Variants in BCAS3 observed in about 807,000 individuals in gnomAD.
BCAS3 encodes BCAS4/BCAS3 fusion.
In BCAS3, 53 loss-of-function variants were observed where a neutral mutation model predicts 116.1. The observed-to-expected ratio is 0.46, with a 90% CI of 0.37 to 0.57. The LOEUF (loss-of-function observed/expected upper bound fraction) is 0.57. BCAS3 is among the 20% of genes least tolerant of loss of function. BCAS3 has a pLI of 0.00. For missense variants in BCAS3, 917 were observed against 1,165.4 expected (o/e 0.79, Z 3.10); for synonymous variants, 391 against 408.2 (o/e 0.96, Z 0.51).
intron 14 of BCAS3, among the ~76,000 whole-genome samples, chr17:60,978,411 G>C (rs1452803271): frequency 2.1e-4 from 32 of 151,100 alleles, no homozygotes; most frequent in South Asian, 1.0e-3. Flanking sequence ...AGCCCTTTGT[G>C]AGATGAGTAG....
chr17:60,849,596 T>C (rs986262296), intron 7 of BCAS3, among the ~76,000 whole-genome samples: 6 of 152,198 alleles, frequency 3.9e-5, no homozygotes, highest in Non-Finnish European at 8.8e-5. Context: ...AAAGCTATTA[T>C]TATAACTTGT....
chr17:60,922,732 G>T (rs2059171800), intron 12 of BCAS3, among the ~76,000 whole-genome samples: 1 of 152,072 alleles, frequency 6.6e-6, no homozygotes, highest in African/African-American at 2.4e-5. Context: ...AACTTTAAAA[G>T]GATTAAAGTC....
intron 7 of BCAS3, among the ~76,000 whole-genome samples, chr17:60,831,493 A>T (rs2050926329): frequency 6.6e-6 from 1 of 152,166 alleles, no homozygotes; most frequent in East Asian, 1.9e-4. Flanking sequence ...TGTCTTCCTT[A>T]TGTTAACTGA....
chr17:61,030,315 C>A (rs1217339235), intron 16 of BCAS3, among the ~76,000 whole-genome samples: 1 of 152,048 alleles, frequency 6.6e-6, no homozygotes. Context: ...TACTTCACAT[C>A]TGTCCTATTC....
intron 21 of BCAS3, among the ~76,000 whole-genome samples, chr17:61,081,860 A>G (rs2072643413): frequency 6.6e-6 from 1 of 152,192 alleles, no homozygotes; most frequent in Non-Finnish European, 1.5e-5. Context: ...ATGGCCGACC[A>G]TTGGCTTTAC....
intron 22 of BCAS3, among the ~76,000 whole-genome samples, chr17:61,176,138 C>CAAAAAAAAAAA (rs534042215): frequency 4.6e-4 from 23 of 50,010 alleles, no homozygotes; most frequent in African/African-American, 1.1e-3. Context: ...GACCCTATCT[C>CAAAAAAAAAAA]AAAAAAAAAA....
intron 19 of BCAS3, chr17:61,070,383 A>ATATATATATATATC (rs1455437195): frequency 2.0e-5 from 3 of 151,996 alleles, no homozygotes; most frequent in Non-Finnish European, 3.7e-5. Context: ...ATATATATAT[A>ATATATATATATATC]TATATATATA....
rs1024433129 is a variant in BCAS3 at position 60,995,176 on chromosome 17, G to A, written c.1486+4941G>A. 2.0e-5 allele frequency among the ~76,000 whole-genome samples: 3 copies of A among 151,600 alleles called. No homozygotes were observed. The highest frequency in any genetic ancestry group is 3.9e-4 in the East Asian group (2 of 5,174). On this transcript the variant is annotated intron_variant, in intron 15 of 23. Coordinates refer to ENST00000407086, the MANE Select transcript of BCAS3 (RefSeq NM_017679.5). The surrounding 1 kb of genome is among the most constrained non-coding windows in gnomAD (Gnocchi z 4.7). ...TCTATTCTTTTCTTTTCTTTTAGAC[G>A]GAGTCTTGCTCTGTCTCCCAGGCTA...
intron 5 of BCAS3, among the ~76,000 whole-genome samples, chr17:60,715,638 GC>G (rs1568085352): frequency 1.3e-5 from 2 of 151,528 alleles, no homozygotes; most frequent in African/African-American, 4.9e-5. Flanking sequence ...ACAGGTGCAC[GC>G]CCCATGTCCG....
At chr17:60,939,775 T>A (rs1035453071) in intron 13 of BCAS3, among the ~76,000 whole-genome samples, 2 of 152,212 alleles carry the variant, frequency 1.3e-5, no homozygotes, top group African/African-American at 4.8e-5. Context: ...TTCATCATAC[T>A]GTACATCTAA....
At chr17:60,760,327 G>GTGT (rs2043401355) in intron 6 of BCAS3, among the ~76,000 whole-genome samples, 1 of 152,082 alleles carries the variant, frequency 6.6e-6, no homozygotes, top group South Asian at 2.1e-4. Flanking sequence ...GATAGGGTAT[G>GTGT]TGTTATTCTT....
At chr17:60,919,746 T>C (rs1039619435) in intron 12 of BCAS3, among the ~76,000 whole-genome samples, 8 of 151,200 alleles carry the variant, frequency 5.3e-5, no homozygotes, top group African/African-American at 1.5e-4. Context: ...CTCAAAGGAG[T>C]AGGTAGCAGA....
rs2066430954 is a variant in BCAS3 at position 61,028,717 on chromosome 17, A to G, written c.1638-5949A>G. ...TTTGAGGTTGAAACAAGATTAAAAG[A>G]GCCAGATTAAAGAAAGGGATATATT... On this transcript the variant is annotated intron_variant, in intron 16 of 23. Coordinates refer to ENST00000407086, the MANE Select transcript of BCAS3 (RefSeq NM_017679.5). This position sits in a 1 kb window ranked among gnomAD's most constrained non-coding sequence, Gnocchi z 4.3. 6.6e-6 allele frequency among the ~76,000 whole-genome samples: 1 copy of G among 151,952 alleles called. No homozygotes were observed. The highest frequency in any genetic ancestry group is 1.5e-5 in the Non-Finnish European group (1 of 67,824).
rs2061360421 is a variant in BCAS3, at chr17:60,960,451, A to G, written c.1221+13099A>G. Among the ~76,000 whole-genome samples the G allele has an allele frequency of 6.6e-6, 1 of 152,192 alleles. No individual in the cohort carries two copies. The highest frequency in any genetic ancestry group is 2.4e-5 in the African/African-American group (1 of 41,446). Reference sequence around the variant, plus strand: ...GATATGCGTAGGATAGACATTTCAAAAGGAAGAAATGGAAAAGAATAAAAG... The same window carrying G: ...GATATGCGTAGGATAGACATTTCAAGAGGAAGAAATGGAAAAGAATAAAAG... On this transcript the variant is annotated intron_variant, in intron 14 of 23. Coordinates refer to ENST00000407086, the MANE Select transcript of BCAS3 (RefSeq NM_017679.5). This position sits in a 1 kb window ranked among gnomAD's most constrained non-coding sequence, Gnocchi z 4.1.
intron 7 of BCAS3, among the ~76,000 whole-genome samples, chr17:60,849,281 CTTT>C (rs201004782): frequency 1.4e-5 from 2 of 139,888 alleles, no homozygotes. Flanking sequence ...GTGTTCAGTT[CTTT>C]TTTTTTTTTT....
intron 22 of BCAS3, among the ~76,000 whole-genome samples, chr17:61,170,043 C>A (rs567143231): frequency 6.6e-6 from 1 of 151,328 alleles, no homozygotes; most frequent in East Asian, 2.0e-4. Context: ...TGAGTAGAGA[C>A]GGGGTTTCAC....
intron 12 of BCAS3, among the ~76,000 whole-genome samples, chr17:60,922,961 G>C (rs895636684): frequency 6.6e-6 from 1 of 152,146 alleles, no homozygotes; most frequent in Admixed American, 6.5e-5. Context: ...AAAATTTACA[G>C]CTTTAAATGC....
chr17:61,119,005 A>G (rs554668943), intron 22 of BCAS3, among the ~76,000 whole-genome samples: 1 of 152,160 alleles, frequency 6.6e-6, no homozygotes, highest in South Asian at 2.1e-4. Flanking sequence ...TTTTAAATGG[A>G]TGGTTGGTTG....
chr17:61,295,336 C>A (rs955944180), intron 22 of BCAS3, among the ~76,000 whole-genome samples: 1 of 152,180 alleles, frequency 6.6e-6, no homozygotes, highest in South Asian at 2.1e-4. Context: ...CGCAAAGAGG[C>A]GTTGGTGATG....
Sources: allele counts gnomAD v4.1 joint callset (sites outside exome capture counted in the v4.1 genomes callset), GRCh38; gene constraint gnomAD v4.1.1; non-coding constraint Gnocchi (gnomAD v3.1); transcripts MANE v1.5; gene names NCBI Gene and HGNC (gene_info 2026-07-23, HGNC 2026-07-21).